Variants in MSH4 observed in about 807,000 individuals in gnomAD.
MSH4 encodes the protein mutS protein homolog 4.
A neutral mutation model predicts 113.7 loss-of-function variants in MSH4; 106 were observed. That is an observed-to-expected ratio of 0.93 (90% CI 0.80 to 1.10). The LOEUF is 1.10. Ranked by LOEUF, MSH4 falls within the 50% of genes least tolerant of loss-of-function variation. The pLI, the probability that MSH4 is intolerant of heterozygous loss-of-function variation, is 0.00. For missense variants in MSH4, 1,061 were observed against 1,093.7 expected, an observed-to-expected ratio of 0.97 and a Z score of 0.42; for synonymous variants, 368 against 380.2, an observed-to-expected ratio of 0.97 and a Z score of 0.37.
chr1:75,892,933 C>G (rs752655673), intron 17 of MSH4, among the ~76,000 whole-genome samples: 2 of 152,164 alleles, frequency 1.3e-5, no homozygotes, highest in African/African-American at 4.8e-5. Context: ...TCACTAACTT[C>G]TACTCGAAAT....
chr1:75,847,533 A>G (rs949453792), intron 7 of MSH4, among the ~76,000 whole-genome samples: 3 of 152,194 alleles, frequency 2.0e-5, no homozygotes, highest in African/African-American at 7.2e-5. Context: ...TCGTGTTGCT[A>G]TAATAGAATA....
chr1:75,841,062 G>A (rs1463337918), intron 7 of MSH4, among the ~76,000 whole-genome samples: 2 of 152,132 alleles, frequency 1.3e-5, no homozygotes, highest in African/African-American at 2.4e-5. Context: ...GTATGTTGAT[G>A]TCCATAGCAG....
intron 8 of MSH4, among the ~76,000 whole-genome samples, chr1:75,858,787 A>T (rs558514869): frequency 2.0e-5 from 3 of 152,282 alleles, no homozygotes; most frequent in Admixed American, 6.5e-5. Flanking sequence ...TCATAAAATG[A>T]GTTAAAGAGA....
intron 7 of MSH4, among the ~76,000 whole-genome samples, chr1:75,834,837 G>A (rs1173771491): frequency 6.6e-6 from 1 of 151,962 alleles, no homozygotes; most frequent in Non-Finnish European, 1.5e-5. Context: ...AGGAGTTAAC[G>A]GGTGCAGCAC....
At chr1:75,839,689 G>A (rs1460104589) in intron 7 of MSH4, among the ~76,000 whole-genome samples, 1 of 151,198 alleles carries the variant, frequency 6.6e-6, no homozygotes, top group African/African-American at 2.4e-5. Context: ...AAACTAAAGA[G>A]CTTCTGCACA....
At chr1:75,855,585 A>G in intron 8 of MSH4, among the ~76,000 whole-genome samples, 1 of 152,092 alleles carries the variant, frequency 6.6e-6, no homozygotes, top group East Asian at 1.9e-4. Context: ...TCCTCGTCAA[A>G]TGGTGGTGTC....
intron 6 of MSH4, among the ~76,000 whole-genome samples, chr1:75,819,828 A>C (rs1650369211): frequency 6.6e-6 from 1 of 152,148 alleles, no homozygotes; most frequent in South Asian, 2.1e-4. Context: ...CTTATGGCTC[A>C]GCCTCCTGAG....
chr1:75,843,770 T>G (rs1412226281), intron 7 of MSH4, among the ~76,000 whole-genome samples: 1 of 152,038 alleles, frequency 6.6e-6, no homozygotes, highest in Non-Finnish European at 1.5e-5. Context: ...ACCTGACAGT[T>G]TGAACAGGTA....
intron 17 of MSH4, among the ~76,000 whole-genome samples, chr1:75,894,124 A>G (rs1652320732): frequency 6.6e-6 from 1 of 152,178 alleles, no homozygotes; most frequent in Admixed American, 6.5e-5. Context: ...TCTTCTATAT[A>G]GGACAGACAT....
intron 19 of MSH4, among the ~76,000 whole-genome samples, chr1:75,907,091 A>C (rs1156365757): frequency 6.6e-6 from 1 of 152,100 alleles, no homozygotes; most frequent in East Asian, 1.9e-4. Context: ...ATGTACTTAC[A>C]TTTAAACTTC....
At chr1:75,815,947 G>A (rs762262318) in intron 5 of MSH4, among the ~76,000 whole-genome samples, 1 of 152,016 alleles carries the variant, frequency 6.6e-6, no homozygotes, top group African/African-American at 2.4e-5. Flanking sequence ...GGTGGAGGTT[G>A]CAGTGAGCCG....
At chr1:75,885,961 T>C (rs1469008065) in intron 15 of MSH4, among the ~76,000 whole-genome samples, 1 of 103,244 alleles carries the variant, frequency 9.7e-6, no homozygotes, top group Non-Finnish European at 1.8e-5. Flanking sequence ...TATGATGTAT[T>C]ATATAGCATG....
intron 8 of MSH4, among the ~76,000 whole-genome samples, chr1:75,854,163 A>G (rs1479041974): frequency 6.6e-6 from 1 of 151,492 alleles, no homozygotes; most frequent in Non-Finnish European, 1.5e-5. Context: ...CTCTTTCCAT[A>G]TTAGTAACTC....
intron 17 of MSH4, among the ~76,000 whole-genome samples, chr1:75,892,678 A>G (rs1053527772): frequency 3.3e-5 from 5 of 152,154 alleles, no homozygotes; most frequent in Non-Finnish European, 7.4e-5. Flanking sequence ...GAACTCAAGG[A>G]TTCAAATTGC....
chr1:75,824,137 G>C (rs772882628), intron 7 of MSH4, among the ~76,000 whole-genome samples: 3 of 152,170 alleles, frequency 2.0e-5, no homozygotes, highest in Non-Finnish European at 4.4e-5. Flanking sequence ...TCCAGCATCT[G>C]TTGTTTCCTT....
At chr1:75,810,549 C>T in intron 3 of MSH4, 148 bp from the exon 4 acceptor site, 1 of 372,056 alleles carries the variant, frequency 2.7e-6, no homozygotes, top group Non-Finnish European at 4.7e-6. Context: ...ACCCACCTGG[C>T]TAGAAACATA....
In MSH4 at chr1:75,912,841, A is replaced by G; in HGVS notation, c.2765A>G (p.Glu922Gly). 6.3e-7 allele frequency: 1 copy of G among 1,580,124 alleles called. No individual in the cohort carries two copies. The highest frequency in any genetic ancestry group is 8.6e-7 in the Non-Finnish European group (1 of 1,164,376). Residue 922 changes from glutamate (E) to glycine (G), a missense_variant, in exon 20 of 20, where the codon GAA becomes GGA. Glu to Gly is a moderately conservative substitution (Grantham distance 98, BLOSUM62 -2). Coordinates refer to ENST00000263187, the MANE Select transcript of MSH4 (RefSeq NM_002440.4). ...YLSNLKKKYKEDFPRTEQVPE... is the reference protein window; with the variant it reads ...YLSNLKKKYKGDFPRTEQVPE... ...AGTAACCTCAAGAAGAAGTACAAAG[A>G]AGATTTTCCCAGGACTGAACAAGTT...
intron 7 of MSH4, among the ~76,000 whole-genome samples, chr1:75,845,468 GT>G (rs1651056544): frequency 6.6e-6 from 1 of 152,176 alleles, no homozygotes; most frequent in Non-Finnish European, 1.5e-5. Flanking sequence ...TAAGAAAGGA[GT>G]AACAGGCCCA....
chr1:75,797,016 CCTT>C lies in MSH4; in HGVS notation c.34_36del (p.Ser12del), dbSNP rs749239950. On this transcript the variant is annotated inframe_deletion, in exon 1 of 20. Coordinates refer to ENST00000263187, the MANE Select transcript of MSH4 (RefSeq NM_002440.4). The stretch of plus-strand genomic sequence containing the variant: ...GAGGCCTGAGATCTCATCAACCTCG[CCTT>C]CTGCCCCGGCGGTTTCCCCGTCGTC... 2.3e-5 allele frequency: 37 copies of C among 1,614,140 alleles called. No homozygotes were observed. The South Asian group carries it at 2.5e-4, about 11-fold the overall frequency.
Sources: allele counts gnomAD v4.1 joint callset (sites outside exome capture counted in the v4.1 genomes callset), GRCh38; gene constraint gnomAD v4.1.1; transcripts MANE v1.5; gene names NCBI Gene and HGNC (gene_info 2026-07-23, HGNC 2026-07-21).